MCC: variants seen among roughly 807,000 people sequenced by gnomAD.
The protein encoded by MCC is colorectal mutant cancer protein.
A neutral mutation model predicts 116.2 loss-of-function variants in MCC; 90 were observed. The ratio of observed to expected loss-of-function variants is 0.77; its 90% CI spans 0.65 to 0.92. The LOEUF (loss-of-function observed/expected upper bound fraction) is 0.92. Among genes scored for constraint, MCC ranks in the 40% least tolerant of loss-of-function variants. MCC has a pLI of 0.00. For synonymous variants in MCC, 578 were observed against 510.5 expected (o/e 1.13, Z -1.78); for missense variants, 1,516 against 1,312.2 (o/e 1.16, Z -2.40).
At chr5:113,198,493 G>A (rs1157902476) in intron 3 of MCC, among the ~76,000 whole-genome samples, 3 of 150,914 alleles carry the variant, frequency 2.0e-5, no homozygotes, top group African/African-American at 4.9e-5. Context: ...CCAGGAGTTC[G>A]AGACAAGCCT....
chr5:113,198,305 C>T (rs1315400459), intron 3 of MCC, among the ~76,000 whole-genome samples: 3 of 152,154 alleles, frequency 2.0e-5, no homozygotes, highest in Admixed American at 2.0e-4. Flanking sequence ...TAACACCTAG[C>T]AGGTGTTCAA....
chr5:113,251,193 T>C (rs1317437672), intron 3 of MCC, among the ~76,000 whole-genome samples: 1 of 152,236 alleles, frequency 6.6e-6, no homozygotes, highest in Non-Finnish European at 1.5e-5. Flanking sequence ...GCAAATGCCA[T>C]ATGTACTAAC....
At chr5:113,425,456 T>A (rs1770456696) in intron 1 of MCC, among the ~76,000 whole-genome samples, 1 of 152,114 alleles carries the variant, frequency 6.6e-6, no homozygotes, top group Non-Finnish European at 1.5e-5. Context: ...ATATAACCAA[T>A]TACCAAGTAA....
chr5:113,446,720 CAT>C (rs148830937), intron 1 of MCC, among the ~76,000 whole-genome samples: 150 of 152,296 alleles, frequency 9.8e-4, no homozygotes, highest in African/African-American at 3.6e-3. Context: ...TTACATGCCA[CAT>C]GTTCTCACCT....
At chr5:113,376,574 T>TACACACACACACACAC (rs1554079796) in intron 2 of MCC, among the ~76,000 whole-genome samples, 106 of 145,878 alleles carry the variant, frequency 7.3e-4, no homozygotes, top group African/African-American at 1.9e-3. Flanking sequence ...CCATATTTTA[T>TACACACACACACACAC]ACACACACAC....
chr5:113,228,330 T>TAC (rs147587604), intron 3 of MCC, among the ~76,000 whole-genome samples: 33 of 151,504 alleles, frequency 2.2e-4, no homozygotes, highest in East Asian at 1.2e-3. Context: ...ACACCTACCA[T>TAC]ACACACACAC....
At chr5:113,100,721 T>C (rs1445113362) in intron 8 of MCC, among the ~76,000 whole-genome samples, 1 of 152,180 alleles carries the variant, frequency 6.6e-6, no homozygotes, top group Non-Finnish European at 1.5e-5. Flanking sequence ...TCTGCCTGCC[T>C]CGGCCTCCCA....
At chr5:113,078,666 A>G (rs1005768905) in intron 11 of MCC, among the ~76,000 whole-genome samples, 1 of 152,214 alleles carries the variant, frequency 6.6e-6, no homozygotes, top group African/African-American at 2.4e-5. Flanking sequence ...TCTCAAAATA[A>G]TAAGAGCTAT....
intron 1 of MCC, among the ~76,000 whole-genome samples, chr5:113,400,928 A>G (rs559204267): frequency 2.6e-5 from 4 of 152,338 alleles, no homozygotes; most frequent in East Asian, 1.9e-4. Flanking sequence ...AGCTCTTAAT[A>G]TATCAGTGTC....
At position 113,028,992 on chromosome 5, in the gene MCC, T is replaced by A. The variant is rs17313892; in HGVS notation, c.2821A>T (p.Ser941Cys). Residue 941 changes from serine to cysteine, a missense_variant, in exon 18 of 19, where the codon AGT becomes TGT. Transcript: ENST00000408903. ...VSALERLTKS[S>C]EIRHQQSAEF... ...GCAGATTGCTGATGTCGGATTTCAC[T>A]GCTCTTGGTGAGTCTCTCCAAGGCA... 0.011 allele frequency: 18,006 copies of A among 1,614,020 alleles called. 160 individuals carry two copies. The highest frequency in any genetic ancestry group is 0.024 in the Admixed American group (1,436 of 60,004).
intron 4 of MCC, among the ~76,000 whole-genome samples, chr5:113,150,088 G>A (rs997464574): frequency 2.0e-5 from 3 of 152,142 alleles, no homozygotes; most frequent in African/African-American, 7.2e-5. Context: ...CTTCCAGGAA[G>A]AGAAACTGCT....
intron 1 of MCC, among the ~76,000 whole-genome samples, chr5:113,408,010 A>G (rs1769885185): frequency 6.6e-6 from 1 of 152,158 alleles, no homozygotes; most frequent in African/African-American, 2.4e-5. Context: ...CCTCATTAAG[A>G]GGCCTAGTTA....
intron 14 of MCC, among the ~76,000 whole-genome samples, chr5:113,062,146 C>T (rs1447264708): frequency 1.3e-5 from 2 of 152,150 alleles, no homozygotes; most frequent in Non-Finnish European, 2.9e-5. Flanking sequence ...GACCTCTGTA[C>T]TTTGATGGGA....
chr5:113,247,089 G>A (rs566315549), intron 3 of MCC, among the ~76,000 whole-genome samples: 1 of 152,302 alleles, frequency 6.6e-6, no homozygotes, highest in East Asian at 1.9e-4. Flanking sequence ...GCTGGACACT[G>A]GAAAGGTAAC....
At chr5:113,384,868 T>G in intron 2 of MCC, 100 bp downstream of exon 2, 1 of 1,415,676 alleles carries the variant, frequency 7.1e-7, no homozygotes, top group Non-Finnish European at 9.8e-7. Flanking sequence ...CAGTATGAGC[T>G]GAGGCTGTGG....
At chr5:113,394,900 C>A (rs114126703) in intron 1 of MCC, among the ~76,000 whole-genome samples, 1 of 152,200 alleles carries the variant, frequency 6.6e-6, no homozygotes, top group African/African-American at 2.4e-5. Flanking sequence ...TGGAACAGAG[C>A]ATGCCCATTT....
At chr5:113,228,618 C>G (rs547435198) in intron 3 of MCC, among the ~76,000 whole-genome samples, 74 of 152,208 alleles carry the variant, frequency 4.9e-4, no homozygotes, top group African/African-American at 1.4e-3. Flanking sequence ...ATACAGGGCC[C>G]ACTTTCAGGA....
intron 3 of MCC, chr5:113,294,908 GAA>G (rs1766663045): frequency 2.0e-6 from 2 of 985,568 alleles, no homozygotes; most frequent in South Asian, 4.7e-5. Flanking sequence ...ACTTCACGCC[GAA>G]GTTTCCCCTT....
At chr5:113,244,051 A>C (rs1764481982) in intron 3 of MCC, among the ~76,000 whole-genome samples, 1 of 152,236 alleles carries the variant, frequency 6.6e-6, no homozygotes, top group Admixed American at 6.5e-5. Context: ...AGGCAAAGTC[A>C]ACACACACAA....
Sources: allele counts gnomAD v4.1 joint callset (sites outside exome capture counted in the v4.1 genomes callset), GRCh38; gene constraint gnomAD v4.1.1; transcripts MANE v1.5; gene names NCBI Gene and HGNC (gene_info 2026-07-23, HGNC 2026-07-21).